ANKRD11: variants seen among roughly 807,000 people sequenced by gnomAD.
The protein encoded by ANKRD11 is ankyrin repeat domain-containing protein 11.
ANKRD11 carries 17 observed loss-of-function variants against 195.7 expected under a neutral mutation model. The observed-to-expected ratio is 0.09, with a 90% CI of 0.06 to 0.13. The LOEUF (loss-of-function observed/expected upper bound fraction) is 0.13. Among genes scored for constraint, ANKRD11 ranks in the 10% least tolerant of loss-of-function variants. ANKRD11 has a pLI of 1.00. For synonymous variants in ANKRD11, 1,953 were observed against 1,528.1 expected (o/e 1.28, Z -6.49); for missense variants, 3,735 against 3,566.1 (o/e 1.05, Z -1.21).
rs770964449 is a variant in ANKRD11 at position 89,280,194 on chromosome 16, C to G, written c.6348G>C (p.Glu2116Asp). ...CGAAGGCGTCCGCCCAGGGCACCGG[C>G]TCCACCTGGCCGAGGTGAGACAGGC... ...SRGLSHLGQV[E>D]PVPWADAFAG... Residue 2116 changes from glutamate to aspartate, a missense_variant, in exon 9 of 13, where the codon GAG becomes GAC. Transcript: ENST00000301030. The G allele has an allele frequency of 6.2e-7, 1 of 1,608,680 alleles. No individual in the cohort carries two copies. The highest frequency in any genetic ancestry group is 1.1e-5 in the South Asian group (1 of 90,898).
intron 2 of ANKRD11, among the ~76,000 whole-genome samples, chr16:89,415,485 TG>T (rs2042262656): frequency 6.8e-6 from 1 of 147,552 alleles, no homozygotes; most frequent in Admixed American, 6.7e-5. Flanking sequence ...AGGATGGTCT[TG>T]ATCTCCTGAC....
intron 1 of ANKRD11, among the ~76,000 whole-genome samples, chr16:89,441,742 G>A (rs1224025400): frequency 8.1e-6 from 1 of 123,948 alleles, no homozygotes; most frequent in Admixed American, 1.1e-4. Flanking sequence ...ACTCCAGCCT[G>A]GGCAACAGAG....
intron 1 of ANKRD11, among the ~76,000 whole-genome samples, chr16:89,471,782 C>CA (rs56391654): frequency 0.047 from 2,491 of 53,406 alleles, 280 homozygotes; most frequent in African/African-American, 0.1. Flanking sequence ...GACTCTGTCT[C>CA]AAAAAAAAAA....
In ANKRD11 at chr16:89,280,465, G is replaced by C; in HGVS notation, c.6077C>G (p.Ala2026Gly). The change falls in exon 9 of 13, where the codon GCT (alanine) becomes GGT (glycine). Residue 2026 changes from alanine to glycine, a missense_variant. Ala to Gly is a moderately conservative substitution (Grantham distance 60). Coordinates refer to ENST00000301030, the MANE Select transcript of ANKRD11 (RefSeq NM_013275.6). ...PAPPASPAPY[A>G]LPVAEPGLED... ...CAGCCCCGGCTCAGCGACGGGCAGA[G>C]CGTACGGGGCAGGAGAGGCGGGAGG... 2 of 1,599,274 alleles carry C rather than the reference G, an allele frequency of 1.3e-6. No individual in the cohort carries two copies. The highest frequency in any genetic ancestry group is 1.7e-6 in the Non-Finnish European group (2 of 1,172,100).
chr16:89,456,324 A>G (rs1301215362), intron 1 of ANKRD11, among the ~76,000 whole-genome samples: 1 of 151,984 alleles, frequency 6.6e-6, no homozygotes, highest in African/African-American at 2.4e-5. Flanking sequence ...CAAGACAGGC[A>G]GACCACTTGA....
rs1057523418 is a variant in ANKRD11, at chr16:89,285,117, C to A, written c.1425G>T (p.Lys475Asn). ...REVRFGKRSD[K>N]FCSSESESES... ...CGCTCTCCGACTCCGAGGAGCAGAACTTGTCGCTCCGCTTTCCGAAGCGAA... is the reference window on the plus strand; with the variant it reads ...CGCTCTCCGACTCCGAGGAGCAGAAATTGTCGCTCCGCTTTCCGAAGCGAA... The change falls in exon 9 of 13, where the codon AAG (lysine) becomes AAT (asparagine). Residue 475 changes from lysine to asparagine, a missense_variant. By Grantham distance (94) the Lys-to-Asn change is moderately conservative. Coordinates refer to ENST00000301030, the MANE Select transcript of ANKRD11 (RefSeq NM_013275.6). The surrounding 1 kb of genome is among the most constrained non-coding windows in gnomAD (Gnocchi z 5.6). 1 of 1,613,732 alleles carries A rather than the reference C, an allele frequency of 6.2e-7. No individual in the cohort carries two copies. Among genetic ancestry groups the A allele is most frequent in the Non-Finnish European group, 8.5e-7 (1 of 1,180,046 alleles).
chr16:89,284,459 T>C lies in ANKRD11; in HGVS notation c.2083A>G (p.Lys695Glu). ...ATTTTGCTAAGTTTCTCTTCTTTTTTAAAGTGGTCGCGATCGTGCTTTAAC... is the reference window on the plus strand; with the variant it reads ...ATTTTGCTAAGTTTCTCTTCTTTTTCAAAGTGGTCGCGATCGTGCTTTAAC... The part of the protein sequence containing the change: ...KVLKHDRDHF[K>E]KEEKLSKMKL... Residue 695 changes from lysine to glutamate, a missense_variant, in exon 9 of 13, where the codon AAA becomes GAA. Physicochemically the swap from Lys to Glu is moderately conservative, Grantham distance 56. Transcript: ENST00000301030. 1 of 1,614,094 alleles carries C rather than the reference T, an allele frequency of 6.2e-7. No individual in the cohort carries two copies.
At chr16:89,324,889 T>A in intron 2 of ANKRD11, 1 of 230,704 alleles carries the variant, frequency 4.3e-6, no homozygotes, top group South Asian at 5.2e-5. Flanking sequence ...TGTGAGTCAA[T>A]ACTCCCAATA....
chr16:89,461,588 C>T (rs1032009492), intron 1 of ANKRD11, among the ~76,000 whole-genome samples: 10 of 152,096 alleles, frequency 6.6e-5, no homozygotes, highest in African/African-American at 2.4e-4. Flanking sequence ...TTATCTGCTT[C>T]CCTCGGCCTC....
In ANKRD11 at chr16:89,281,088, G is replaced by A. The variant is rs773528327; in HGVS notation, c.5454C>T (p.Ala1818=). ...KLFRQQSVPA[A]SSYDSPMPPS... ...GTGGCATGGGAGAGTCGTAGCTGGA[G>A]GCAGCAGGAACGCTCTGCTGCCTGA... Residue 1818 remains alanine, a synonymous_variant, in exon 9 of 13, where the codon GCC becomes GCT. Transcript: ENST00000301030. This position sits in a 1 kb window ranked among gnomAD's most constrained non-coding sequence, Gnocchi z 5.5. The A allele has an allele frequency of 5.6e-6, 9 of 1,609,450 alleles. No homozygotes were observed. Among genetic ancestry groups the A allele is most frequent in the African/African-American group, 1.3e-5 (1 of 74,898 alleles).
intron 2 of ANKRD11, among the ~76,000 whole-genome samples, chr16:89,351,706 C>G (rs928802997): frequency 6.6e-6 from 1 of 152,132 alleles, no homozygotes; most frequent in African/African-American, 2.4e-5. Context: ...CACAAAATGA[C>G]CAGAACAGCA....
intron 2 of ANKRD11, among the ~76,000 whole-genome samples, chr16:89,363,149 T>G (rs1280388200): frequency 1.3e-5 from 2 of 152,192 alleles, no homozygotes; most frequent in Admixed American, 1.3e-4. Context: ...TTCAAACAGC[T>G]GGGAACACGC....
intron 2 of ANKRD11, among the ~76,000 whole-genome samples, chr16:89,364,606 G>A (rs963973300): frequency 2.2e-4 from 34 of 152,206 alleles, no homozygotes; most frequent in Admixed American, 2.0e-3. Context: ...ACTGGAAGAA[G>A]AACTGGCTTG....
intron 2 of ANKRD11, among the ~76,000 whole-genome samples, chr16:89,352,410 G>A (rs774746723): frequency 7.9e-5 from 12 of 151,186 alleles, no homozygotes; most frequent in Non-Finnish European, 1.5e-4. Flanking sequence ...CCACAGTGAC[G>A]CCCTCCTGCT....
intron 1 of ANKRD11, among the ~76,000 whole-genome samples, chr16:89,484,873 G>A (rs573511659): frequency 6.6e-6 from 1 of 152,204 alleles, no homozygotes; most frequent in South Asian, 2.1e-4. Flanking sequence ...GTGGAAAAAA[G>A]AGCCCTACAG....
intron 3 of ANKRD11, among the ~76,000 whole-genome samples, chr16:89,315,102 A>T (rs2036866825): frequency 6.6e-6 from 1 of 151,080 alleles, no homozygotes; most frequent in East Asian, 1.9e-4. Flanking sequence ...ACGCCTCCAC[A>T]CTCTCGGGGT....
intron 2 of ANKRD11, among the ~76,000 whole-genome samples, chr16:89,402,003 G>A (rs577234264): frequency 2.0e-5 from 3 of 148,588 alleles, no homozygotes; most frequent in Non-Finnish European, 3.0e-5. Flanking sequence ...TCTCAGAGCC[G>A]TGGGAGAACA....
intron 1 of ANKRD11, among the ~76,000 whole-genome samples, chr16:89,424,825 A>G (rs1274898647): frequency 6.6e-6 from 1 of 152,194 alleles, no homozygotes; most frequent in Non-Finnish European, 1.5e-5. Context: ...GCAACACGGC[A>G]GGGACGGGGG....
At chr16:89,437,652 G>A (rs2043271426) in intron 1 of ANKRD11, among the ~76,000 whole-genome samples, 1 of 152,206 alleles carries the variant, frequency 6.6e-6, no homozygotes, top group Non-Finnish European at 1.5e-5. Context: ...CAAGGCTAGA[G>A]ACGCTGTCCC....
Sources: gnomAD v4.1 joint callset for allele counts (sites outside exome capture counted in the v4.1 genomes callset) on GRCh38, gnomAD v4.1.1 for gene constraint, Gnocchi (gnomAD v3.1) non-coding constraint, MANE v1.5 for transcripts, NCBI Gene and HGNC (gene_info 2026-07-23, HGNC 2026-07-21) for gene names.